PPARG: variants seen among roughly 807,000 people sequenced by gnomAD.
PPARG encodes peroxisome proliferator activated receptor gamma, also known as peroxisome proliferator-activated receptor gamma.
Under a neutral mutation model 39.2 loss-of-function variants are expected in PPARG, and 17 were observed. The observed-to-expected ratio is 0.43, with a 90% CI of 0.30 to 0.65. The LOEUF is 0.65. PPARG is among the 30% of genes least tolerant of loss of function. The pLI is 0.13. For missense variants in PPARG, 406 were observed against 585.9 expected (o/e 0.69, Z 3.17); for synonymous variants, 223 against 215.7 (o/e 1.03, Z -0.30).
chr3:12,377,779 A>G (rs556092283), intron 2 of PPARG, among the ~76,000 whole-genome samples: 47 of 152,322 alleles, frequency 3.1e-4, no homozygotes, highest in African/African-American at 1.0e-3. Context: ...AAACTTCTTC[A>G]CCACAAAGGA....
At position 12,381,314 on chromosome 3, in the gene PPARG, A is replaced by T. The variant is rs761770364; in HGVS notation, c.221-8A>T. 1.2e-6 allele frequency: 2 copies of T among 1,612,528 alleles called. No homozygotes were observed. The highest frequency in any genetic ancestry group is 2.2e-5 in the East Asian group (1 of 44,738). ...GATAATTATCCTCTCACATGTCTCC[A>T]TACACAGGTGCAATCAAAGTGGAGC... On this transcript the variant is annotated splice_polypyrimidine_tract_variant and splice_region_variant and intron_variant, in intron 3 of 7. Transcript: ENST00000651735.
chr3:12,347,094 A>G (rs558915625), intron 2 of PPARG, among the ~76,000 whole-genome samples: 1 of 151,930 alleles, frequency 6.6e-6, no homozygotes, highest in South Asian at 2.1e-4. Context: ...GAGGCAGGAG[A>G]ATTTCTTGAA....
At chr3:12,288,741 T>TGGGGAC (rs1275076204), upstream of PPARG, 2 of 152,148 alleles carry the variant, frequency 1.3e-5, no homozygotes, top group African/African-American at 2.4e-5. Context: ...GCGGAGGGGC[T>TGGGGAC]GGGGACGGGG....
In PPARG at chr3:12,434,129, A is replaced by G; in HGVS notation, c.1412A>G (p.Tyr471Cys). Residue 471 changes from tyrosine (Y) to cysteine (C), a missense_variant, in exon 8 of 8, where the codon TAC becomes TGC. Transcript: ENST00000651735. The surrounding 1 kb of genome is among the most constrained non-coding windows in gnomAD (Gnocchi z 4.2). ...MSLHPLLQEIYKDLY is the reference protein window; with the variant it reads ...MSLHPLLQEICKDLY ...CTTCACCCGCTCCTGCAGGAGATCT[A>G]CAAGGACTTGTACTAGCAGAGAGTC... The G allele has an allele frequency of 1.2e-6, 2 of 1,614,232 alleles. No individual in the cohort carries two copies. The highest frequency in any genetic ancestry group is 1.7e-6 in the Non-Finnish European group (2 of 1,180,034).
intron 2 of PPARG, among the ~76,000 whole-genome samples, chr3:12,367,040 G>C (rs1331815764): frequency 6.6e-6 from 1 of 152,088 alleles, no homozygotes. Flanking sequence ...GTTTCAGAAG[G>C]TTATTAGTTA....
At chr3:12,415,672 T>C (rs1250237189) in intron 6 of PPARG, among the ~76,000 whole-genome samples, 1 of 152,264 alleles carries the variant, frequency 6.6e-6, no homozygotes, top group Non-Finnish European at 1.5e-5. Context: ...TTTTAAAATA[T>C]AAATTCAAAA....
intron 2 of PPARG, among the ~76,000 whole-genome samples, chr3:12,362,241 A>G (rs1275196922): frequency 6.6e-6 from 1 of 152,110 alleles, no homozygotes. Flanking sequence ...AGTCTGCCTA[A>G]CATGGTGGCT....
chr3:12,356,857 T>C (rs2048681474), intron 2 of PPARG, among the ~76,000 whole-genome samples: 1 of 152,154 alleles, frequency 6.6e-6, no homozygotes, highest in Non-Finnish European at 1.5e-5. Context: ...GCTCCAAGCC[T>C]AGTATGTCTT....
At chr3:12,299,558 A>G (rs1386263056) in intron 1 of PPARG, among the ~76,000 whole-genome samples, 3 of 152,202 alleles carry the variant, frequency 2.0e-5, no homozygotes, top group African/African-American at 7.2e-5. Flanking sequence ...CAGAGGAGGT[A>G]AGAATGAATC....
chr3:12,352,380 C>G (rs1443622571), intron 2 of PPARG, among the ~76,000 whole-genome samples: 1 of 152,200 alleles, frequency 6.6e-6, no homozygotes, highest in East Asian at 1.9e-4. Context: ...ATTAACTTCT[C>G]TTCAGATGTG....
chr3:12,387,848 TA>T (rs2049936278), intron 4 of PPARG, among the ~76,000 whole-genome samples: 1 of 150,406 alleles, frequency 6.6e-6, no homozygotes, highest in Non-Finnish European at 1.5e-5. Context: ...TTTGTGGTGT[TA>T]GGTCTTACAT....
chr3:12,399,815 T>C (rs1473103911), intron 5 of PPARG, among the ~76,000 whole-genome samples: 6 of 95,682 alleles, frequency 6.3e-5, no homozygotes, highest in Non-Finnish European at 2.0e-5. Flanking sequence ...AGATCCCATG[T>C]CTACCAAAAA....
chr3:12,350,715 G>T (rs2048459036), intron 2 of PPARG, among the ~76,000 whole-genome samples: 1 of 152,122 alleles, frequency 6.6e-6, no homozygotes, highest in Non-Finnish European at 1.5e-5. Context: ...TTTTTTTCTG[G>T]TGGTGTGTTA....
At chr3:12,310,159 G>A (rs991970265) in intron 1 of PPARG, among the ~76,000 whole-genome samples, 4 of 152,074 alleles carry the variant, frequency 2.6e-5, no homozygotes, top group African/African-American at 9.7e-5. Context: ...GGGGTCTGGG[G>A]GAAAGGTTAC....
chr3:12,415,529 T>C (rs1336228385), intron 6 of PPARG, among the ~76,000 whole-genome samples: 1 of 152,216 alleles, frequency 6.6e-6, no homozygotes, highest in Non-Finnish European at 1.5e-5. Context: ...CAAACCTTGC[T>C]TAGTTCTATA....
In PPARG at chr3:12,326,246, G is replaced by T. The variant is rs78531655; in HGVS notation, c.-9+13793G>T. Among the ~76,000 whole-genome samples, 217 of 152,244 alleles carry T rather than the reference G, an allele frequency of 1.4e-3. 1 individual carries two copies. The highest frequency in any genetic ancestry group is 5.1e-3 in the African/African-American group (212 of 41,542). On this transcript the variant is annotated intron_variant, in intron 2 of 7. Coordinates refer to ENST00000651735, the MANE Select transcript of PPARG (RefSeq NM_138711.6). ...CTGAAGTATGACAATATAGTTTATT[G>T]CACTTATAGTTAGAATTATTCTGCC...
At chr3:12,367,123 T>C (rs1467495860) in intron 2 of PPARG, among the ~76,000 whole-genome samples, 2 of 152,144 alleles carry the variant, frequency 1.3e-5, no homozygotes, top group South Asian at 2.1e-4. Context: ...TTTGGAAAAT[T>C]ATGTCTTTCA....
intron 4 of PPARG, among the ~76,000 whole-genome samples, chr3:12,391,559 G>A (rs2050076803): frequency 6.6e-6 from 1 of 152,178 alleles, no homozygotes; most frequent in African/African-American, 2.4e-5. Context: ...CTGGAAGGAT[G>A]GCGTTGCGTC....
rs572524612 is a variant in PPARG, at chr3:12,340,985, C to T, written c.-9+28532C>T. Among the ~76,000 whole-genome samples the T allele has an allele frequency of 2.0e-5, 3 of 152,250 alleles. No homozygotes were observed. The South Asian group carries it at 6.2e-4, about 32-fold the overall frequency. On this transcript the variant is annotated intron_variant, in intron 2 of 7. Coordinates refer to ENST00000651735, the MANE Select transcript of PPARG (RefSeq NM_138711.6). ...GGATCACAAGGTCAGGAGTTCAAGACCAGTCTGGCCAATATGGTGAAACCT... is the reference window on the plus strand; with the variant it reads ...GGATCACAAGGTCAGGAGTTCAAGATCAGTCTGGCCAATATGGTGAAACCT...
Sources: allele counts gnomAD v4.1 joint callset (sites outside exome capture counted in the v4.1 genomes callset), GRCh38; gene constraint gnomAD v4.1.1; non-coding constraint Gnocchi (gnomAD v3.1); transcripts MANE v1.5; gene names NCBI Gene and HGNC (gene_info 2026-07-23, HGNC 2026-07-21).